Variants in FAM20A observed in about 807,000 individuals in gnomAD.
FAM20A encodes pseudokinase FAM20A.
FAM20A carries 42 observed loss-of-function variants against 52.0 expected under a neutral mutation model. The ratio of observed to expected loss-of-function variants is 0.81; its 90% CI spans 0.63 to 1.04. The LOEUF (loss-of-function observed/expected upper bound fraction) is 1.04, where lower values mean the gene tolerates loss of function less well. Among genes scored for constraint, FAM20A ranks in the 50% least tolerant of loss-of-function variants. The probability of loss-of-function intolerance (pLI) is 0.00; values close to 1 mark genes in which losing one functional copy is unlikely to be tolerated. For synonymous variants in FAM20A, 304 were observed against 298.9 expected (o/e 1.02, Z -0.18); for missense variants, 742 against 712.7 (o/e 1.04, Z -0.47).
At chr17:68,575,791 T>TACACACACACACACACACACACACAC (rs761949775) in intron 1 of FAM20A, among the ~76,000 whole-genome samples, 78 of 104,200 alleles carry the variant, frequency 7.5e-4, no homozygotes, top group East Asian at 2.0e-3. Context: ...TTTTATATTA[T>TACACACACACACACACACACACACAC]ACACACACAC....
chr17:68,584,616 C>T (rs1170678133), intron 1 of FAM20A, among the ~76,000 whole-genome samples: 1 of 152,216 alleles, frequency 6.6e-6, no homozygotes, highest in Non-Finnish European at 1.5e-5. Flanking sequence ...GGTTCATCAG[C>T]TTAATTTATG....
chr17:68,543,814 C>T (rs367561323), intron 4 of FAM20A, 93 bp from the exon 5 acceptor site: 88 of 1,134,428 alleles, frequency 7.8e-5, no homozygotes, highest in African/African-American at 4.7e-4. Flanking sequence ...GAAAGGAAAA[C>T]GGGCTTTTAT....
At chr17:68,593,682 C>G (rs893933098) in intron 1 of FAM20A, among the ~76,000 whole-genome samples, 12 of 152,216 alleles carry the variant, frequency 7.9e-5, no homozygotes, top group African/African-American at 2.9e-4. Flanking sequence ...CTGGTGTCAT[C>G]TGTTTCCAAT....
intron 8 of FAM20A, 52 bp from the exon 9 acceptor site, chr17:68,540,018 G>T: frequency 6.7e-7 from 1 of 1,496,070 alleles, no homozygotes; most frequent in East Asian, 2.3e-5. Flanking sequence ...GGGGACAGGT[G>T]CTCCTGACCT....
At chr17:68,564,210 C>T (rs1160436736) in intron 1 of FAM20A, among the ~76,000 whole-genome samples, 1 of 152,160 alleles carries the variant, frequency 6.6e-6, no homozygotes, top group African/African-American at 2.4e-5. Flanking sequence ...AGATAGGGTA[C>T]AGGCTTAAAA....
rs1037199549 is a variant in FAM20A, at chr17:68,541,479, T to C, written c.1109+506A>G. Reference sequence around the variant, plus strand: ...TGCCTGGTTACTTCTTTTCCCACGATGATCATGACGGCTTGACTGATGGAT... The same window carrying C: ...TGCCTGGTTACTTCTTTTCCCACGACGATCATGACGGCTTGACTGATGGAT... On this transcript the variant is annotated intron_variant, in intron 7 of 10. Transcript: ENST00000592554. 2.1e-5 allele frequency: 4 copies of C among 189,366 alleles called. No individual in the cohort carries two copies. In the South Asian group the frequency reaches 4.3e-4, roughly 21 times the overall value. 11.7% of individuals were successfully genotyped at this position (189,366 alleles called of 1,614,324 possible). A position where few individuals can be genotyped will look rare whatever the true frequency, so the allele number is the denominator to read the frequency against.
intron 1 of FAM20A, among the ~76,000 whole-genome samples, chr17:68,563,388 A>C (rs112217597): frequency 1.3e-3 from 5 of 3,960 alleles, no homozygotes; most frequent in Admixed American, 2.1e-3. Flanking sequence ...CTCCGTCTCA[A>C]AAAAAAAAAA....
In FAM20A at chr17:68,600,986, C is replaced by T; in HGVS notation, c.-320G>A. On this transcript the variant is annotated 5_prime_UTR_variant, in exon 1 of 11. Coordinates refer to ENST00000592554, the MANE Select transcript of FAM20A (RefSeq NM_017565.4). The surrounding 1 kb of genome is among the most constrained non-coding windows in gnomAD (Gnocchi z 6.2). ...GTGCGCCCGCCCGCCCGGACGCTCGCGGCAGGTGAAGGGCCCCGGGGCGCC... is the reference window on the plus strand; with the variant it reads ...GTGCGCCCGCCCGCCCGGACGCTCGTGGCAGGTGAAGGGCCCCGGGGCGCC... The T allele has an allele frequency of 5.0e-6, 1 of 200,588 alleles. No homozygotes were observed. Among genetic ancestry groups the T allele is most frequent in the Non-Finnish European group, 9.9e-6 (1 of 100,850 alleles). 12.4% of individuals were successfully genotyped at this position (200,588 alleles called of 1,614,324 possible).
intron 1 of FAM20A, among the ~76,000 whole-genome samples, chr17:68,571,987 CATAT>C (rs57442973): frequency 0.024 from 1,039 of 43,062 alleles, 12 homozygotes; most frequent in Non-Finnish European, 0.032. Flanking sequence ...TATATACATA[CATAT>C]ATATATATAT....
rs1251610939 is a variant in FAM20A at position 68,536,148 on chromosome 17, C to T, written c.*1329G>A. 2.2e-6 allele frequency: 1 copy of T among 454,002 alleles called. No individual in the cohort carries two copies. The highest frequency in any genetic ancestry group is 2.0e-5 in the African/African-American group (1 of 50,006). The allele number at this position is 454,002 out of a possible 1,614,324, so 28.1% of individuals were successfully genotyped here. On this transcript the variant is annotated 3_prime_UTR_variant, in exon 11 of 11. Transcript: ENST00000592554. The stretch of plus-strand genomic sequence containing the variant: ...CACGGGGTCAGAAGTGTTATTTGTC[C>T]AGTCGAGGCTATCTTTGCTCACACT...
chr17:68,537,354 C>A lies in FAM20A; in HGVS notation c.*123G>T, dbSNP rs758834078. ...CCCACTTGCTGTTTGAGAAAATGTC[C>A]TGCTTCCTTCCTAGCTGACTTGACT... On this transcript the variant is annotated 3_prime_UTR_variant, in exon 11 of 11. Coordinates refer to ENST00000592554, the MANE Select transcript of FAM20A (RefSeq NM_017565.4). This position sits in a 1 kb window ranked among gnomAD's most constrained non-coding sequence, Gnocchi z 4.2. The A allele has an allele frequency of 2.4e-5, 31 of 1,269,224 alleles. No individual in the cohort carries two copies. The African/African-American group carries it at 4.1e-4, about 17-fold the overall frequency. The allele number at this position is 1,269,224 out of a possible 1,614,324, so 78.6% of individuals were successfully genotyped here.
At chr17:68,581,414 C>CTTTCTTTCTTTCTT (rs1316499255) in intron 1 of FAM20A, among the ~76,000 whole-genome samples, 1 of 111,172 alleles carries the variant, frequency 9.0e-6, no homozygotes, top group South Asian at 2.9e-4. Context: ...TTCTTTCTTT[C>CTTTCTTTCTTTCTT]TTTTTCTCTT....
At chr17:68,539,214 T>C in intron 10 of FAM20A, 123 bp downstream of exon 10, 1 of 863,340 alleles carries the variant, frequency 1.2e-6, no homozygotes, top group Admixed American at 1.9e-5. Context: ...AGGTGATTCA[T>C]GTCATTCTAC....
intron 1 of FAM20A, among the ~76,000 whole-genome samples, chr17:68,572,635 C>G (rs910031663): frequency 6.6e-6 from 1 of 152,194 alleles, no homozygotes; most frequent in East Asian, 1.9e-4. Context: ...ACGATCAACT[C>G]TCCCCAAAAT....
chr17:68,567,799 T>C (rs1161346795), intron 1 of FAM20A, among the ~76,000 whole-genome samples: 1 of 151,952 alleles, frequency 6.6e-6, no homozygotes, highest in Admixed American at 6.5e-5. Context: ...ACGGGGGTGG[T>C]TTCCCACATG....
chr17:68,554,029 T>TAC (rs1428428164), intron 3 of FAM20A, among the ~76,000 whole-genome samples: 3 of 89,556 alleles, frequency 3.3e-5, no homozygotes, highest in African/African-American at 2.8e-4. Context: ...TATACATATA[T>TAC]ACACACATGC....
rs1405790534 is a variant in FAM20A at position 68,535,852 on chromosome 17, G to A, written c.*1625C>T. ...AAATTTGACTTCATAAATTGGGTGG[G>A]ATACTGTTGGGTTTTGTGTTACAGT... On this transcript the variant is annotated 3_prime_UTR_variant, in exon 11 of 11. Transcript: ENST00000592554. 2.2e-6 allele frequency: 1 copy of A among 453,894 alleles called. No individual in the cohort carries two copies. Among genetic ancestry groups the A allele is most frequent in the South Asian group, 1.6e-5 (1 of 64,466 alleles). The allele number at this position is 453,894 out of a possible 1,614,324, so 28.1% of individuals were successfully genotyped here. A position where few individuals can be genotyped will look rare whatever the true frequency, so the allele number is the denominator to read the frequency against.
At chr17:68,552,665 C>CTTTTTTTTTTTTTTTTT (rs1568739140) in intron 3 of FAM20A, among the ~76,000 whole-genome samples, 1 of 109,970 alleles carries the variant, frequency 9.1e-6, no homozygotes, top group African/African-American at 3.2e-5. Context: ...CCTTTATTTT[C>CTTTTTTTTTTTTTTTTT]CTTTTTTTTT....
In FAM20A at chr17:68,551,987, C is replaced by T. The variant is rs113720162; in HGVS notation, c.641-36G>A. 9.3e-5 allele frequency: 130 copies of T among 1,397,244 alleles called. 1 individual carries two copies. The African/African-American group carries it at 1.2e-3, about 13-fold the overall frequency. 86.6% of individuals were successfully genotyped at this position (1,397,244 alleles called of 1,614,324 possible). A position where few individuals can be genotyped will look rare whatever the true frequency, so the allele number is the denominator to read the frequency against. On this transcript the variant is annotated intron_variant, in intron 3 of 10. Coordinates refer to ENST00000592554, the MANE Select transcript of FAM20A (RefSeq NM_017565.4). ...CAGAAGGGTGAGTTAACCATGCTTC[C>T]GGGCCTCAGCCAAGGCTTGTGACTC...
Sources: gnomAD v4.1 joint callset for allele counts (sites outside exome capture counted in the v4.1 genomes callset) on GRCh38, gnomAD v4.1.1 for gene constraint, Gnocchi (gnomAD v3.1) non-coding constraint, MANE v1.5 for transcripts, NCBI Gene and HGNC (gene_info 2026-07-23, HGNC 2026-07-21) for gene names.